CIT: variants seen among roughly 807,000 people sequenced by gnomAD.
The protein encoded by CIT is citron rho-interacting serine/threonine kinase.
In CIT, 79 loss-of-function variants were observed where a neutral mutation model predicts 272.7. The ratio of observed to expected loss-of-function variants is 0.29; its 90% CI spans 0.24 to 0.35. CIT has a LOEUF of 0.35. CIT is among the 10% of genes least tolerant of loss of function. The pLI, the probability that CIT is intolerant of heterozygous loss-of-function variation, is 1.00. For missense variants in CIT, 1,909 were observed against 2,618.3 expected (o/e 0.73, Z 5.91); for synonymous variants, 948 against 995.6 (o/e 0.95, Z 0.90).
intron 2 of CIT, among the ~76,000 whole-genome samples, 171 bp from the exon 3 acceptor site, chr12:119,869,372 T>C (rs1175071505): frequency 6.6e-6 from 1 of 152,256 alleles, no homozygotes; most frequent in African/African-American, 2.4e-5. Context: ...ACAGTCATTA[T>C]GGTATCACTT....
chr12:119,787,895 T>C (rs879618320), intron 10 of CIT, among the ~76,000 whole-genome samples: 2 of 152,182 alleles, frequency 1.3e-5, no homozygotes, highest in African/African-American at 2.4e-5. Flanking sequence ...AATGAAATAA[T>C]GCATGTAATG....
chr12:119,735,715 C>T (rs1958715582), intron 24 of CIT, among the ~76,000 whole-genome samples: 1 of 152,134 alleles, frequency 6.6e-6, no homozygotes, highest in Admixed American at 6.5e-5. Context: ...ACTGGTATCA[C>T]CATCCACTAA....
At chr12:119,849,140 G>A (rs78375301) in intron 5 of CIT, among the ~76,000 whole-genome samples, 2,617 of 152,196 alleles carry the variant, frequency 0.017, 45 homozygotes, top group East Asian at 0.087. Context: ...AAAATAAAAC[G>A]GAGAGGCCGG....
At chr12:119,757,301 T>C in intron 22 of CIT, 70 bp downstream of exon 22, 1 of 1,576,560 alleles carries the variant, frequency 6.3e-7, no homozygotes, top group South Asian at 1.1e-5. Flanking sequence ...TGATTTGTGC[T>C]CGAAAGCTGA....
At chr12:119,716,416 T>TAAAAAAAAAAAAAAAAA (rs1481968570) in intron 32 of CIT, among the ~76,000 whole-genome samples, 1 of 70,550 alleles carries the variant, frequency 1.4e-5, no homozygotes, top group African/African-American at 5.3e-5. Context: ...AAAAAAAAAG[T>TAAAAAAAAAAAAAAAAA]AAAGCTCTTT....
intron 46 of CIT, among the ~76,000 whole-genome samples, chr12:119,693,793 A>G (rs1349863377): frequency 6.6e-6 from 1 of 152,222 alleles, no homozygotes; most frequent in Non-Finnish European, 1.5e-5. Flanking sequence ...TCAACAAAAG[A>G]GAGATTATTC....
intron 10 of CIT, 52 bp from the exon 11 acceptor site, chr12:119,785,117 C>G (rs375384821): frequency 8.8e-6 from 14 of 1,584,150 alleles, no homozygotes; most frequent in African/African-American, 8.1e-5. Flanking sequence ...GCCTAAGAAG[C>G]TGCATTAGGA....
At chr12:119,733,082 A>G (rs1466709165) in intron 26 of CIT, among the ~76,000 whole-genome samples, 1 of 152,258 alleles carries the variant, frequency 6.6e-6, no homozygotes, top group African/African-American at 2.4e-5. Flanking sequence ...TAATGTGACC[A>G]GCAACCCTTA....
rs1425831677 is a variant in CIT, at chr12:119,690,617, A to G, written c.5883-163T>C. 3.3e-5 allele frequency among the ~76,000 whole-genome samples: 5 copies of G among 152,212 alleles called. No individual in the cohort carries two copies. Among genetic ancestry groups the G allele is most frequent in the Admixed American group, 1.3e-4 (2 of 15,290 alleles). ...TTTGCCTGCATTTGATTTTGGTAGCAAAGACAGGGAAGAGAGCAAAGATGG... is the reference window on the plus strand; with the variant it reads ...TTTGCCTGCATTTGATTTTGGTAGCGAAGACAGGGAAGAGAGCAAAGATGG... On this transcript the variant is annotated intron_variant, in intron 46 of 47. Transcript: ENST00000392521. The surrounding 1 kb of genome is among the most constrained non-coding windows in gnomAD (Gnocchi z 6.0).
rs373509610 is a variant in CIT, at chr12:119,718,241, G to C, written c.4168+4C>G. 6.2e-7 allele frequency: 1 copy of C among 1,607,956 alleles called. No homozygotes were observed. The highest frequency in any genetic ancestry group is 1.3e-5 in the African/African-American group (1 of 74,786). On this transcript the variant is annotated splice_donor_region_variant and intron_variant, in intron 32 of 47. Coordinates refer to ENST00000392521, the MANE Select transcript of CIT (RefSeq NM_001206999.2). The surrounding 1 kb of genome is among the most constrained non-coding windows in gnomAD (Gnocchi z 4.8). Reference sequence around the variant, plus strand: ...AAAGAAATTTCCATACAACTCCAACGTACCCTCTGGAGTTGAAGACTCCTT... The same window carrying C: ...AAAGAAATTTCCATACAACTCCAACCTACCCTCTGGAGTTGAAGACTCCTT...
intron 7 of CIT, among the ~76,000 whole-genome samples, chr12:119,830,673 A>T (rs1311679297): frequency 6.6e-6 from 1 of 152,056 alleles, no homozygotes; most frequent in African/African-American, 2.4e-5. Flanking sequence ...TTTGGTTATC[A>T]CATCTGGAGG....
intron 19 of CIT, among the ~76,000 whole-genome samples, chr12:119,762,576 A>C (rs1037504930): frequency 1.3e-5 from 2 of 152,222 alleles, no homozygotes; most frequent in African/African-American, 4.8e-5. Context: ...AAGTTAGCAG[A>C]GACCACATAA....
chr12:119,841,550 A>G (rs555651089), intron 5 of CIT, among the ~76,000 whole-genome samples: 3 of 152,252 alleles, frequency 2.0e-5, no homozygotes, highest in African/African-American at 2.4e-5. Flanking sequence ...TTCCACAGTA[A>G]TAAGAATTTT....
intron 25 of CIT, 138 bp from the exon 26 acceptor site, chr12:119,734,495 C>T: frequency 1.1e-6 from 1 of 878,150 alleles, no homozygotes; most frequent in Admixed American, 2.1e-5. Context: ...CTTCTGCAGC[C>T]CAAGGGGACC....
At chr12:119,723,493 G>A (rs894004758) in intron 28 of CIT, among the ~76,000 whole-genome samples, 1 of 151,904 alleles carries the variant, frequency 6.6e-6, no homozygotes, top group Non-Finnish European at 1.5e-5. Flanking sequence ...GCAAACAGAG[G>A]TATATTCATG....
Position 119,712,785 on chromosome 12 carries a change from G to T in CIT, c.4580-90C>A. ...AGAGAGCGAGAGAGACAGCAAGGGA[G>T]AGAGAGACAGGGTACGTGTGTAAAG... On this transcript the variant is annotated intron_variant, in intron 35 of 47. Transcript: ENST00000392521. The surrounding 1 kb of genome is among the most constrained non-coding windows in gnomAD (Gnocchi z 5.2). 1 of 1,042,748 alleles carries T rather than the reference G, an allele frequency of 9.6e-7. No individual in the cohort carries two copies. Among genetic ancestry groups the T allele is most frequent in the Non-Finnish European group, 1.5e-6 (1 of 679,726 alleles). The allele number at this position is 1,042,748 out of a possible 1,614,324, so 64.6% of individuals were successfully genotyped here. A position where few individuals can be genotyped will look rare whatever the true frequency, so the allele number is the denominator to read the frequency against.
chr12:119,784,888 G>A lies in CIT; in HGVS notation c.1401+72C>T. ...CGGCTCAGAGCCAGCAGCGGCCCCG[G>A]GCGGATCCCTTGGCATATACGGACG... On this transcript the variant is annotated intron_variant, in intron 11 of 47. Transcript: ENST00000392521. The surrounding 1 kb of genome is among the most constrained non-coding windows in gnomAD (Gnocchi z 4.7). 5 of 1,573,950 alleles carry A rather than the reference G, an allele frequency of 3.2e-6. No homozygotes were observed. In the South Asian group the frequency reaches 5.9e-5, roughly 18 times the overall value.
intron 2 of CIT, among the ~76,000 whole-genome samples, chr12:119,869,792 G>A (rs887297597): frequency 1.3e-5 from 2 of 152,100 alleles, no homozygotes; most frequent in Non-Finnish European, 1.5e-5. Flanking sequence ...TCAAAATCAG[G>A]AGATTCCATA....
chr12:119,813,428 C>T (rs572827036), intron 9 of CIT, among the ~76,000 whole-genome samples: 76 of 152,296 alleles, frequency 5.0e-4, no homozygotes, highest in Non-Finnish European at 9.3e-4. Context: ...TCCTGCCAAC[C>T]GCCCTTTTTA....
Sources: allele counts gnomAD v4.1 joint callset (sites outside exome capture counted in the v4.1 genomes callset), GRCh38; gene constraint gnomAD v4.1.1; non-coding constraint Gnocchi (gnomAD v3.1); transcripts MANE v1.5; gene names NCBI Gene and HGNC (gene_info 2026-07-23, HGNC 2026-07-21).